ZSCAN10: variants seen among roughly 807,000 people sequenced by gnomAD.
ZSCAN10 encodes the protein zinc finger and SCAN domain-containing protein 10.
A neutral mutation model predicts 63.7 loss-of-function variants in ZSCAN10; 52 were observed. The ratio of observed to expected loss-of-function variants is 0.82; its 90% CI spans 0.65 to 1.03. The LOEUF (loss-of-function observed/expected upper bound fraction) is 1.03, where lower values mean the gene tolerates loss of function less well. Ranked by LOEUF, ZSCAN10 falls within the 50% of genes least tolerant of loss-of-function variation. The pLI is 0.00. For missense variants in ZSCAN10, 1,223 were observed against 1,103.8 expected (o/e 1.11, Z -1.53); for synonymous variants, 544 against 479.6 (o/e 1.13, Z -1.76).
chr16:3,090,772 G>A (rs1322695942), intron 5 of ZSCAN10, 126 bp from the exon 6 acceptor site: 25 of 1,160,340 alleles, frequency 2.2e-5, no homozygotes, highest in Non-Finnish European at 2.8e-5. Context: ...GTAAAAGGCC[G>A]GGCACAGTGG....
intron 3 of ZSCAN10, 85 bp from the exon 4 acceptor site, chr16:3,091,913 A>T (rs1957083074): frequency 1.3e-6 from 2 of 1,597,080 alleles, no homozygotes; most frequent in African/African-American, 2.7e-5. Flanking sequence ...ACACCGCATC[A>T]TCCGGGCCCT....
chr16:3,097,630 C>G (rs938777690), intron 1 of ZSCAN10, among the ~76,000 whole-genome samples: 3 of 152,214 alleles, frequency 2.0e-5, no homozygotes, highest in African/African-American at 7.2e-5. Context: ...GGCATCCACT[C>G]CAGGCAGCCC....
chr16:3,093,041 G>T, intron 1 of ZSCAN10, 37 bp from the exon 2 acceptor site: 1 of 1,316,374 alleles, frequency 7.6e-7, no homozygotes, highest in Non-Finnish European at 9.7e-7. Context: ...GATCTGCTGC[G>T]AGGAAGCTGG....
chr16:3,089,976 C>T lies in ZSCAN10; in HGVS notation c.1458G>A (p.Gln486=), dbSNP rs762229712. ...VLCSHCGQSF[Q]RRSSLKRHLR... is the part of the protein sequence containing the mutation. ...GGTGGCGCTTGAGGCTGGAGCGGCGCTGGAAGCTCTGGCCGCAGTGGGAGC... is the reference window on the plus strand; with the variant it reads ...GGTGGCGCTTGAGGCTGGAGCGGCGTTGGAAGCTCTGGCCGCAGTGGGAGC... The change falls in exon 6 of 6, where the codon CAG becomes CAA. Residue 486 remains glutamine, a synonymous_variant. Transcript: ENST00000576985. The T allele has an allele frequency of 1.7e-5, 27 of 1,547,558 alleles. No homozygotes were observed. The Admixed American group carries it at 2.0e-4, about 11-fold the overall frequency.
intron 1 of ZSCAN10, among the ~76,000 whole-genome samples, chr16:3,095,562 T>C (rs1269737331): frequency 6.8e-6 from 1 of 147,170 alleles, no homozygotes; most frequent in Non-Finnish European, 1.5e-5. Flanking sequence ...GGGCACTGAG[T>C]GGCTGACGCC....
rs114985173 is a variant in ZSCAN10, at chr16:3,089,692, G to A, written c.1742C>T (p.Pro581Leu). 5.2e-4 allele frequency: 835 copies of A among 1,603,974 alleles called. 2 individuals are homozygous for A. In the African/African-American group the frequency reaches 6.1e-3, roughly 12 times the overall value. ...VHTGEKPYAC[P>L]QCGKRFVRRA... is the part of the protein sequence containing the mutation. ...GCGCACAAAGCGCTTCCCGCACTGC[G>A]GACAGGCGTAGGGCTTCTCGCCCGT... Residue 581 changes from proline to leucine, a missense_variant, in exon 6 of 6, where the codon CCG (proline) becomes CTG (leucine). Physicochemically the swap from Pro to Leu is moderately conservative, Grantham distance 98. Transcript: ENST00000576985.
chr16:3,091,673 G>T lies in ZSCAN10; in HGVS notation c.730-76C>A. On this transcript the variant is annotated intron_variant, in intron 4 of 5. Transcript: ENST00000576985. ...CTGTGGGGACTGAAATGCTTCCTAG[G>T]ACTGAATCAGGGAAGGTATGGATTT... 3 of 1,609,852 alleles carry T rather than the reference G, an allele frequency of 1.9e-6. No homozygotes were observed. The South Asian group carries it at 3.3e-5, about 18-fold the overall frequency.
In ZSCAN10 at chr16:3,092,584, C is replaced by G. The variant is rs1046452086; in HGVS notation, c.354G>C (p.Leu118=). 44 of 1,582,416 alleles carry G rather than the reference C, an allele frequency of 2.8e-5. No individual in the cohort carries two copies. The highest frequency in any genetic ancestry group is 3.6e-5 in the Non-Finnish European group (42 of 1,165,356). ...TGGGCTCCCGGTGGATGCCCTCGAG[C>G]AGCAGCACCACCTCCTCCCCATCCC... The part of the protein sequence containing the change: ...PLRDGEEVVL[L]LEGIHREPSH... The change falls in exon 2 of 6, where the codon CTG becomes CTC. Residue 118 remains leucine (L), a synonymous_variant. Transcript: ENST00000576985.
Position 3,089,461 on chromosome 16 carries a change from CCT to C in ZSCAN10, c.1971_1972del (p.Lys660AlafsTer14). The C allele has an allele frequency of 6.2e-7, 1 of 1,606,178 alleles. No individual in the cohort carries two copies. Among genetic ancestry groups the C allele is most frequent in the Non-Finnish European group, 8.5e-7 (1 of 1,178,298 alleles). On this transcript the variant is annotated frameshift_variant, in exon 6 of 6. Transcript: ENST00000576985. LOFTEE classifies it high-confidence loss of function. ...GGTGTCGCAGGCGTGGGGCTTCTCC[CCT>C]GTGTGGATGCGCTGGTGGCGCGCCA...
intron 1 of ZSCAN10, among the ~76,000 whole-genome samples, chr16:3,097,096 C>CAA (rs34194103): frequency 7.0e-6 from 1 of 143,196 alleles, no homozygotes; most frequent in Non-Finnish European, 1.5e-5. Flanking sequence ...GAATCTGTCT[C>CAA]AAAAAAAAAA....
At position 3,090,205 on chromosome 16, in the gene ZSCAN10, C is replaced by T. The variant is rs1394411888; in HGVS notation, c.1229G>A (p.Gly410Asp). The T allele has an allele frequency of 6.2e-7, 1 of 1,606,222 alleles. No individual in the cohort carries two copies. Among genetic ancestry groups the T allele is most frequent in the Admixed American group, 1.7e-5 (1 of 59,848 alleles). ...GTGCGAGCTCTGGCGGAAGCGGTGG[C>T]CGCACAGGTGGCAGGCGTGCGGCCG... ...DERPHACHLC[G>D]HRFRQSSHLS... The change falls in exon 6 of 6, where the codon GGC (glycine) becomes GAC (aspartate). Residue 410 changes from glycine to aspartate, a missense_variant. By Grantham distance (94) the Gly-to-Asp change is moderately conservative. Coordinates refer to ENST00000576985, the MANE Select transcript of ZSCAN10 (RefSeq NM_032805.3).
intron 1 of ZSCAN10, among the ~76,000 whole-genome samples, chr16:3,094,809 T>C (rs1395593542): frequency 6.6e-6 from 1 of 151,704 alleles, no homozygotes; most frequent in Non-Finnish European, 1.5e-5. Flanking sequence ...TCCTCACAAC[T>C]AAGTGGGTGA....
rs1303958259 is a variant in ZSCAN10, at chr16:3,089,484, C to T, written c.1950G>A (p.Ala650=). Reference sequence around the variant, plus strand: ...CCCCTGTGTGGATGCGCTGGTGGCGCGCCAGGTGGGCGCTCTGGCTGAAGC... The same window carrying T: ...CCCCTGTGTGGATGCGCTGGTGGCGTGCCAGGTGGGCGCTCTGGCTGAAGC... ...GEGFSQSAHL[A]RHQRIHTGEK... is the part of the protein sequence containing the mutation. Residue 650 remains alanine (A), a synonymous_variant, in exon 6 of 6, where the codon GCG becomes GCA. Transcript: ENST00000576985. The T allele has an allele frequency of 9.4e-6, 15 of 1,601,530 alleles. No individual in the cohort carries two copies. The highest frequency in any genetic ancestry group is 1.1e-5 in the South Asian group (1 of 90,306).
chr16:3,090,929 G>GTGT (rs1336647514), intron 5 of ZSCAN10, among the ~76,000 whole-genome samples: 3 of 152,068 alleles, frequency 2.0e-5, no homozygotes, highest in Non-Finnish European at 2.9e-5. Context: ...AATTAGCTGG[G>GTGT]TGTAGTGGCG....
chr16:3,099,010 G>A (rs977143090), intron 1 of ZSCAN10, among the ~76,000 whole-genome samples, 180 bp downstream of exon 1: 26 of 152,122 alleles, frequency 1.7e-4, no homozygotes, highest in African/African-American at 6.3e-4. Flanking sequence ...CGCCCCCATC[G>A]CGACAGGTCC....
In ZSCAN10 at chr16:3,092,286, G is replaced by A. The variant is rs1197009300; in HGVS notation, c.427C>T (p.Pro143Ser). 6.2e-7 allele frequency: 1 copy of A among 1,610,634 alleles called. No individual in the cohort carries two copies. Among genetic ancestry groups the A allele is most frequent in the Non-Finnish European group, 8.5e-7 (1 of 1,178,702 alleles). Residue 143 changes from proline (P) to serine (S), a missense_variant, in exon 3 of 6, where the codon CCC becomes TCC. By Grantham distance (74) the Pro-to-Ser change is moderately conservative. Transcript: ENST00000576985. The stretch of plus-strand genomic sequence containing the variant: ...TCCTCCAAGGTGACGTCTGCACGGG[G>A]ACAACTCTTGCCAGCATTACAACTA... ...DFSCNAGKSC[P>S]RADVTLEEKG...
Position 3,092,928 on chromosome 16 carries a change from C to G in ZSCAN10, c.10G>C (p.Glu4Gln), listed in dbSNP as rs889493154. 1.4e-6 allele frequency: 2 copies of G among 1,425,504 alleles called. No homozygotes were observed. The highest frequency in any genetic ancestry group is 1.8e-6 in the Non-Finnish European group (2 of 1,090,736). The allele number at this position is 1,425,504 out of a possible 1,614,324, so 88.3% of individuals were successfully genotyped here. A position where few individuals can be genotyped will look rare whatever the true frequency, so the allele number is the denominator to read the frequency against. ...TGCTCCACGGCAGCTGGGACTGATT[C>G]TCCAAGCATCCTTCACTGCGGGGAT... MLG[E>Q]SVPAAVEQEQ... The change falls in exon 2 of 6, where the codon GAA becomes CAA. Residue 4 changes from glutamate to glutamine, a missense_variant. By Grantham distance (29) the Glu-to-Gln change is conservative (BLOSUM62 2). Coordinates refer to ENST00000576985, the MANE Select transcript of ZSCAN10 (RefSeq NM_032805.3).
Position 3,090,300 on chromosome 16 carries a change from G to T in ZSCAN10, c.1134C>A (p.Cys378Ter). Residue 378 changes from cysteine (C) to a stop codon, truncating the protein, a stop_gained, in exon 6 of 6, where the codon TGC becomes TGA. Coordinates refer to ENST00000576985, the MANE Select transcript of ZSCAN10 (RefSeq NM_032805.3). LOFTEE classifies it high-confidence loss of function. Reference protein sequence around the residue: ...RSHPAGRSFLCLCCGKSFGRS... With the variant: ...RSHPAGRSFL ...GGCCGAAGCTCTTCCCGCAGCAAAG[G>T]CACAGGAAGGAGCGCCCAGCCGGGT... 6.2e-7 allele frequency: 1 copy of T among 1,609,852 alleles called. No homozygotes were observed. The highest frequency in any genetic ancestry group is 1.1e-5 in the South Asian group (1 of 90,876).
At chr16:3,090,675 C>G in intron 5 of ZSCAN10, 29 bp from the exon 6 acceptor site, 1 of 1,502,284 alleles carries the variant, frequency 6.7e-7, no homozygotes. Context: ...CAGGGACGGT[C>G]AGGCCTATTC....
Sources: allele counts gnomAD v4.1 joint callset (sites outside exome capture counted in the v4.1 genomes callset), GRCh38; gene constraint gnomAD v4.1.1; transcripts MANE v1.5; gene names NCBI Gene and HGNC (gene_info 2026-07-23, HGNC 2026-07-21).